CAMKMT: variants seen among roughly 807,000 people sequenced by gnomAD.
The protein encoded by CAMKMT is CaM KMT.
CAMKMT carries 53 observed loss-of-function variants against 48.0 expected under a neutral mutation model. The ratio of observed to expected loss-of-function variants is 1.10; its 90% CI spans 0.89 to 1.39. The LOEUF (loss-of-function observed/expected upper bound fraction) is 1.39. Among genes scored for constraint, CAMKMT ranks in the 40% most tolerant of loss-of-function variants. The pLI, the probability that CAMKMT is intolerant of heterozygous loss-of-function variation, is 0.00. For synonymous variants in CAMKMT, 165 were observed against 152.3 expected (o/e 1.08, Z -0.61); for missense variants, 428 against 402.7 (o/e 1.06, Z -0.54).
chr2:44,436,845 G>A (rs1478448419), intron 3 of CAMKMT, among the ~76,000 whole-genome samples: 1 of 152,026 alleles, frequency 6.6e-6, no homozygotes, highest in East Asian at 1.9e-4. Flanking sequence ...AGGCTTGCAA[G>A]TATTACATCT....
At chr2:44,713,188 A>C (rs1008575540) in intron 6 of CAMKMT, among the ~76,000 whole-genome samples, 4 of 152,182 alleles carry the variant, frequency 2.6e-5, no homozygotes, top group African/African-American at 9.6e-5. Flanking sequence ...TTTACTAAAA[A>C]TTATTAATAG....
chr2:44,380,851 A>G (rs1177642047), intron 2 of CAMKMT, among the ~76,000 whole-genome samples: 1 of 152,094 alleles, frequency 6.6e-6, no homozygotes, highest in Non-Finnish European at 1.5e-5. Context: ...TATGGTAAGC[A>G]TTCTGTTTCT....
At chr2:44,480,316 A>G (rs1668902647) in intron 3 of CAMKMT, among the ~76,000 whole-genome samples, 1 of 152,170 alleles carries the variant, frequency 6.6e-6, no homozygotes, top group Admixed American at 6.5e-5. Context: ...ACACATACAC[A>G]CACCCTCCAC....
chr2:44,758,679 G>A (rs1680482611), intron 9 of CAMKMT, among the ~76,000 whole-genome samples: 1 of 152,188 alleles, frequency 6.6e-6, no homozygotes, highest in African/African-American at 2.4e-5. Context: ...TTTTCCCTCT[G>A]GTGAGTGGCT....
At chr2:44,719,192 G>A (rs191922938) in intron 7 of CAMKMT, among the ~76,000 whole-genome samples, 1 of 152,156 alleles carries the variant, frequency 6.6e-6, no homozygotes, top group East Asian at 1.9e-4. Context: ...TGCCATTCTT[G>A]TTTCTCTCCT....
chr2:44,454,386 A>G (rs1427305612), intron 3 of CAMKMT, among the ~76,000 whole-genome samples: 2 of 152,152 alleles, frequency 1.3e-5, no homozygotes, highest in Non-Finnish European at 2.9e-5. Context: ...ACTTTACCCA[A>G]TATCCAATAA....
intron 4 of CAMKMT, 22 bp downstream of exon 4, chr2:44,704,365 A>AT: frequency 2.0e-6 from 3 of 1,519,580 alleles, no homozygotes; most frequent in African/African-American, 1.4e-5. Flanking sequence ...CACTTAAGAT[A>AT]TTTTTTAGCC....
intron 3 of CAMKMT, among the ~76,000 whole-genome samples, chr2:44,481,232 C>G (rs1668949552): frequency 6.6e-6 from 1 of 151,972 alleles, no homozygotes; most frequent in South Asian, 2.1e-4. Flanking sequence ...TTTAAAGGAA[C>G]TACTAGGAGC....
chr2:44,577,763 C>T (rs1225180521), intron 3 of CAMKMT, among the ~76,000 whole-genome samples: 1 of 151,840 alleles, frequency 6.6e-6, no homozygotes, highest in Non-Finnish European at 1.5e-5. Context: ...TTACTAGAGC[C>T]AGGAAATAGC....
At chr2:44,750,670 G>A (rs1268646249) in intron 8 of CAMKMT, among the ~76,000 whole-genome samples, 4 of 152,082 alleles carry the variant, frequency 2.6e-5, no homozygotes, top group African/African-American at 4.8e-5. Context: ...CAACGTTTTC[G>A]TCTACTGTGT....
chr2:44,770,954 A>G (rs1681081117), intron 10 of CAMKMT, among the ~76,000 whole-genome samples: 1 of 152,234 alleles, frequency 6.6e-6, no homozygotes, highest in African/African-American at 2.4e-5. Context: ...TAAAGGCTGA[A>G]TTAGCTTTAT....
At chr2:44,761,959 G>A (rs947528556) in intron 9 of CAMKMT, among the ~76,000 whole-genome samples, 3 of 152,196 alleles carry the variant, frequency 2.0e-5, no homozygotes, top group African/African-American at 7.2e-5. Flanking sequence ...CCTGGGCAAT[G>A]GTGAAAGCTA....
At chr2:44,466,572 C>G (rs369444239) in intron 3 of CAMKMT, among the ~76,000 whole-genome samples, 17 of 152,086 alleles carry the variant, frequency 1.1e-4, no homozygotes, top group African/African-American at 4.1e-4. Flanking sequence ...AAAAAGAAGG[C>G]TCTCATATCA....
chr2:44,729,576 A>G (rs1232887406), intron 7 of CAMKMT, among the ~76,000 whole-genome samples: 1 of 152,180 alleles, frequency 6.6e-6, no homozygotes, highest in Non-Finnish European at 1.5e-5. Context: ...GACTGTTGGA[A>G]GAAAGGTCAT....
chr2:44,601,978 T>C (rs1186280343), intron 3 of CAMKMT, among the ~76,000 whole-genome samples: 1 of 152,052 alleles, frequency 6.6e-6, no homozygotes, highest in African/African-American at 2.4e-5. Flanking sequence ...GCATATGCTA[T>C]ATTGTAGTCT....
intron 3 of CAMKMT, among the ~76,000 whole-genome samples, chr2:44,510,570 T>C (rs1466043251): frequency 1.3e-5 from 2 of 152,226 alleles, no homozygotes; most frequent in Non-Finnish European, 1.5e-5. Context: ...GAGACATACT[T>C]TGAGACTATA....
chr2:44,547,219 A>G (rs994835581), intron 3 of CAMKMT, among the ~76,000 whole-genome samples: 5 of 152,168 alleles, frequency 3.3e-5, no homozygotes, highest in Non-Finnish European at 7.3e-5. Flanking sequence ...CAGTAGTCTT[A>G]TTGGGTCCTC....
intron 3 of CAMKMT, among the ~76,000 whole-genome samples, chr2:44,573,683 C>T (rs1210863244): frequency 6.6e-6 from 1 of 152,002 alleles, no homozygotes; most frequent in Non-Finnish European, 1.5e-5. Context: ...TCTTCAAATA[C>T]TATTGTAATT....
intron 3 of CAMKMT, among the ~76,000 whole-genome samples, chr2:44,655,249 G>A (rs1674312708): frequency 6.6e-6 from 1 of 152,112 alleles, no homozygotes; most frequent in South Asian, 2.1e-4. Flanking sequence ...TAATACAATT[G>A]TATTTGATAA....
Sources: allele counts gnomAD v4.1 joint callset (sites outside exome capture counted in the v4.1 genomes callset), GRCh38; gene constraint gnomAD v4.1.1; transcripts MANE v1.5; gene names NCBI Gene and HGNC (gene_info 2026-07-23, HGNC 2026-07-21).